KCNB2: variants seen among roughly 807,000 people sequenced by gnomAD.
The protein encoded by KCNB2 is potassium voltage-gated channel subfamily B member 2.
In KCNB2, 15 loss-of-function variants were observed where a neutral mutation model predicts 61.5. That is an observed-to-expected ratio of 0.24 (90% CI 0.16 to 0.38). KCNB2 has a LOEUF of 0.38. Ranked by LOEUF, KCNB2 falls within the 10% of genes least tolerant of loss-of-function variation. KCNB2 has a pLI of 1.00. For missense variants in KCNB2, 828 were observed against 1,125.2 expected (o/e 0.74, Z 3.78); for synonymous variants, 457 against 446.0 (o/e 1.02, Z -0.31).
At chr8:72,841,190 G>A (rs1294788027) in intron 2 of KCNB2, among the ~76,000 whole-genome samples, 2 of 151,924 alleles carry the variant, frequency 1.3e-5, no homozygotes, top group Admixed American at 1.3e-4. Context: ...TTTTTGTCAG[G>A]TTTGTCAAAG....
intron 1 of KCNB2, among the ~76,000 whole-genome samples, chr8:72,546,605 G>A (rs760927909): frequency 1.5e-4 from 23 of 151,742 alleles, no homozygotes; most frequent in Non-Finnish European, 4.4e-5. Flanking sequence ...TAAGATCATT[G>A]ATGAAGGTGG....
intron 2 of KCNB2, among the ~76,000 whole-genome samples, chr8:72,572,737 T>C (rs1374556049): frequency 1.3e-5 from 2 of 151,932 alleles, no homozygotes; most frequent in Non-Finnish European, 2.9e-5. Flanking sequence ...AGGAGAAAAA[T>C]TAAGTTAAAT....
At chr8:72,622,360 C>A (rs1294132351) in intron 2 of KCNB2, among the ~76,000 whole-genome samples, 1 of 152,160 alleles carries the variant, frequency 6.6e-6, no homozygotes, top group East Asian at 1.9e-4. Flanking sequence ...AGTATTGAGA[C>A]TAATTGGAGC....
intron 2 of KCNB2, among the ~76,000 whole-genome samples, chr8:72,757,093 A>T (rs1198520263): frequency 6.6e-6 from 1 of 152,142 alleles, no homozygotes; most frequent in Non-Finnish European, 1.5e-5. Context: ...AGTGGAAAGG[A>T]CAGAACCTTG....
chr8:72,572,577 T>C (rs960043041), intron 2 of KCNB2, among the ~76,000 whole-genome samples: 2 of 151,062 alleles, frequency 1.3e-5, no homozygotes, highest in Admixed American at 6.6e-5. Context: ...TCTGCGTCTC[T>C]CTCTCTCTCT....
intron 2 of KCNB2, among the ~76,000 whole-genome samples, chr8:72,903,696 T>C (rs1199284186): frequency 6.6e-6 from 1 of 152,148 alleles, no homozygotes; most frequent in African/African-American, 2.4e-5. Flanking sequence ...TAACTCTAAA[T>C]CCAATGTCAT....
chr8:72,686,841 T>C (rs1806861121), intron 2 of KCNB2, among the ~76,000 whole-genome samples: 1 of 152,192 alleles, frequency 6.6e-6, no homozygotes, highest in African/African-American at 2.4e-5. Flanking sequence ...TCCAGATCAA[T>C]ACTTAGAATT....
intron 2 of KCNB2, among the ~76,000 whole-genome samples, chr8:72,804,049 G>A (rs1466690625): frequency 4.6e-5 from 7 of 152,212 alleles, no homozygotes; most frequent in Non-Finnish European, 8.8e-5. Flanking sequence ...GTCTGGAAAG[G>A]AAGTTGGGTC....
intron 2 of KCNB2, among the ~76,000 whole-genome samples, chr8:72,638,623 G>A (rs1486879930): frequency 6.6e-6 from 1 of 152,066 alleles, no homozygotes; most frequent in Non-Finnish European, 1.5e-5. Context: ...TTCTGCCTCT[G>A]AAACAAAAAT....
intron 2 of KCNB2, among the ~76,000 whole-genome samples, chr8:72,804,799 A>G (rs907611031): frequency 2.0e-5 from 3 of 152,218 alleles, no homozygotes; most frequent in African/African-American, 7.2e-5. Context: ...GGCACTACCA[A>G]GATGGAAAAA....
chr8:72,677,918 C>A (rs1226266382), intron 2 of KCNB2, among the ~76,000 whole-genome samples: 7 of 152,280 alleles, frequency 4.6e-5, no homozygotes, highest in African/African-American at 1.7e-4. Context: ...TACCACTATA[C>A]CAAGGCATCC....
chr8:72,611,619 G>A (rs1466987301), intron 2 of KCNB2, among the ~76,000 whole-genome samples: 1 of 152,194 alleles, frequency 6.6e-6, no homozygotes, highest in Non-Finnish European at 1.5e-5. Flanking sequence ...GATGTGTGTA[G>A]CAACCGGCTT....
chr8:72,683,109 C>A (rs560924904), intron 2 of KCNB2, among the ~76,000 whole-genome samples: 2 of 152,166 alleles, frequency 1.3e-5, no homozygotes, highest in South Asian at 4.1e-4. Flanking sequence ...CAGTGTTTAT[C>A]CTGGCATAAT....
intron 2 of KCNB2, among the ~76,000 whole-genome samples, chr8:72,910,063 G>A (rs1294411918): frequency 2.0e-5 from 3 of 152,158 alleles, no homozygotes; most frequent in East Asian, 3.9e-4. Context: ...TCATAACAAC[G>A]TGGACTTTCA....
intron 2 of KCNB2, among the ~76,000 whole-genome samples, chr8:72,707,642 G>GC (rs1447653710): frequency 6.6e-6 from 1 of 152,102 alleles, no homozygotes; most frequent in Non-Finnish European, 1.5e-5. Context: ...CCATAAAGAG[G>GC]CTATCCAGAA....
Position 72,628,400 on chromosome 8 carries a change from GGTGTGTGTGTGT to G in KCNB2, c.579+60121_579+60132del, listed in dbSNP as rs1160601490. Among the ~76,000 whole-genome samples, 5 of 47,408 alleles carry G rather than the reference GGTGTGTGTGTGT, an allele frequency of 1.1e-4. No homozygotes were observed. In the East Asian group the frequency reaches 3.7e-3, roughly 35 times the overall value. 31.1% of individuals were successfully genotyped at this position (47,408 alleles called of 152,430 possible). ...ATTATGCAGATTTCTCCTGTTAGGG[GGTGTGTGTGTGT>G]GTGTGTGTGTGTGTGTGTGTGTGTG... On this transcript the variant is annotated intron_variant, in intron 2 of 2. Coordinates refer to ENST00000523207, the MANE Select transcript of KCNB2 (RefSeq NM_004770.3).
chr8:72,692,725 T>C (rs1806958350), intron 2 of KCNB2, among the ~76,000 whole-genome samples: 1 of 151,240 alleles, frequency 6.6e-6, no homozygotes, highest in Non-Finnish European at 1.5e-5. Flanking sequence ...TAATTCCTAA[T>C]TTGGCATTAT....
chr8:72,884,823 A>G (rs955497592), intron 2 of KCNB2, among the ~76,000 whole-genome samples: 9 of 152,306 alleles, frequency 5.9e-5, no homozygotes, highest in Admixed American at 4.6e-4. Context: ...CCAAGACTTC[A>G]TAATAATGAC....
intron 1 of KCNB2, among the ~76,000 whole-genome samples, chr8:72,565,876 T>G (rs1211310007): frequency 6.6e-6 from 1 of 152,196 alleles, no homozygotes; most frequent in Non-Finnish European, 1.5e-5. Context: ...ATAAGCACTG[T>G]GCTTGGTGAT....
Sources: allele counts gnomAD v4.1 joint callset (sites outside exome capture counted in the v4.1 genomes callset), GRCh38; gene constraint gnomAD v4.1.1; transcripts MANE v1.5; gene names NCBI Gene and HGNC (gene_info 2026-07-23, HGNC 2026-07-21).